Variants in IKBKE observed in about 807,000 individuals in gnomAD.
IKBKE encodes the protein inhibitor of nuclear factor kappa-B kinase subunit epsilon.
IKBKE carries 45 observed loss-of-function variants against 92.1 expected under a neutral mutation model. The observed-to-expected ratio is 0.49, with a 90% CI of 0.38 to 0.63. IKBKE has a LOEUF of 0.63. Among genes scored for constraint, IKBKE ranks in the 20% least tolerant of loss-of-function variants. The pLI is 0.00. For missense variants in IKBKE, 700 were observed against 932.8 expected (o/e 0.75, Z 3.25); for synonymous variants, 374 against 380.3 (o/e 0.98, Z 0.19).
rs1553385473 is a variant in IKBKE, at chr1:206,476,777, G to A, written c.640G>A (p.Ala214Thr). ...GAGCATTGGAGTGACCTTGTACCAT[G>A]CAGCCACTGGCAGCCTGCCCTTCAT... ...LWSIGVTLYH[A>T]ATGSLPFIPF... Residue 214 changes from alanine (A) to threonine (T), a missense_variant, in exon 7 of 22, where the codon GCA becomes ACA. By Grantham distance (58) the Ala-to-Thr change is moderately conservative. Coordinates refer to ENST00000581977, the MANE Select transcript of IKBKE (RefSeq NM_014002.4). The surrounding 1 kb of genome is among the most constrained non-coding windows in gnomAD (Gnocchi z 5.1). 3.1e-6 allele frequency: 5 copies of A among 1,614,242 alleles called. No individual in the cohort carries two copies. In the South Asian group the frequency reaches 5.5e-5, roughly 18 times the overall value.
At chr1:206,474,794 G>T (rs782704507) in intron 4 of IKBKE, 71 bp from the exon 5 acceptor site, 1 of 1,571,584 alleles carries the variant, frequency 6.4e-7, no homozygotes, top group South Asian at 1.2e-5. Flanking sequence ...GCTCCAGGCT[G>T]AGCCACTTCT....
At position 206,473,191 on chromosome 1, in the gene IKBKE, T is replaced by C; in HGVS notation, c.-32-5T>C. 1 of 1,551,034 alleles carries C rather than the reference T, an allele frequency of 6.4e-7. No homozygotes were observed. The highest frequency in any genetic ancestry group is 8.8e-7 in the Non-Finnish European group (1 of 1,130,466). On this transcript the variant is annotated splice_polypyrimidine_tract_variant and splice_region_variant and intron_variant, in intron 2 of 21. Transcript: ENST00000581977. The stretch of plus-strand genomic sequence containing the variant: ...TCCTGGGCCCCCAGCATGCTCTTTC[T>C]CTAGGCAGAAGGTGACCAGCCAGCT...
In IKBKE at chr1:206,479,105, C is replaced by T; in HGVS notation, c.1155C>T (p.Ala385=). ...ASSPLTLFST[A]IPKGLAFRDP... ...GCCCCCTGACCCTCTTCAGCACAGCCATCCCTAAGGGGCTGGCCTTCAGGG... is the reference window on the plus strand; with the variant it reads ...GCCCCCTGACCCTCTTCAGCACAGCTATCCCTAAGGGGCTGGCCTTCAGGG... Residue 385 remains alanine (A), a synonymous_variant, in exon 10 of 22, where the codon GCC becomes GCT. Coordinates refer to ENST00000581977, the MANE Select transcript of IKBKE (RefSeq NM_014002.4). 6.2e-7 allele frequency: 1 copy of T among 1,611,190 alleles called. No homozygotes were observed. The highest frequency in any genetic ancestry group is 8.5e-7 in the Non-Finnish European group (1 of 1,178,906).
intron 5 of IKBKE, chr1:206,475,284 C>A (rs1664996617): frequency 4.2e-6 from 2 of 474,192 alleles, no homozygotes; most frequent in Non-Finnish European, 7.4e-6. Flanking sequence ...ATGGATGGAC[C>A]TTGATGACAT....
In IKBKE at chr1:206,479,892, C is replaced by T. The variant is rs191441093; in HGVS notation, c.1206C>T (p.Phe402=). The change falls in exon 11 of 22, where the codon TTC becomes TTT. Residue 402 remains phenylalanine (F), a synonymous_variant. Transcript: ENST00000581977. ...FRDPALDVPK[F]VPKVDLQADY... is the part of the protein sequence containing the mutation. ...CAGCTGCTCTGGACGTCCCCAAGTT[C>T]GTCCCCAAAGTGGACCTGCAGGCGG... The T allele has an allele frequency of 3.6e-5, 58 of 1,613,906 alleles. No individual in the cohort carries two copies. In the East Asian group the frequency reaches 5.6e-4, roughly 16 times the overall value.
At position 206,496,697 on chromosome 1, in the gene IKBKE, C is replaced by G. The variant is rs1666258134; in HGVS notation, c.*552C>G. 5 of 233,528 alleles carry G rather than the reference C, an allele frequency of 2.1e-5. No homozygotes were observed. The highest frequency in any genetic ancestry group is 4.2e-5 in the Non-Finnish European group (5 of 118,292). 14.5% of individuals were successfully genotyped at this position (233,528 alleles called of 1,614,324 possible). Reference sequence around the variant, plus strand: ...TAGAGAGCCTCCTGTTCTTTCTATGCTTGGTCTGACTGAGCCTAAAGTTGA... The same window carrying G: ...TAGAGAGCCTCCTGTTCTTTCTATGGTTGGTCTGACTGAGCCTAAAGTTGA... On this transcript the variant is annotated 3_prime_UTR_variant, in exon 22 of 22. Transcript: ENST00000581977.
At chr1:206,486,703 C>G (rs568512913) in intron 15 of IKBKE, among the ~76,000 whole-genome samples, 1 of 151,408 alleles carries the variant, frequency 6.6e-6, no homozygotes, top group East Asian at 1.9e-4. Flanking sequence ...GAGCCCTGTC[C>G]TTTTGGATGA....
At position 206,474,442 on chromosome 1, in the gene IKBKE, A is replaced by T; in HGVS notation, c.199A>T (p.Ile67Phe). The T allele has an allele frequency of 1.2e-6, 2 of 1,614,144 alleles. No homozygotes were observed. Among genetic ancestry groups the T allele is most frequent in the Non-Finnish European group, 1.7e-6 (2 of 1,180,002 alleles). ...EVLRKLNHQN[I>F]VKLFAVEETG... Reference sequence around the variant, plus strand: ...CCTGCGGAAGCTGAACCACCAGAACATTGTCAAGCTCTTTGCGGTGGAGGA... The same window carrying T: ...CCTGCGGAAGCTGAACCACCAGAACTTTGTCAAGCTCTTTGCGGTGGAGGA... Residue 67 changes from isoleucine (I) to phenylalanine (F), a missense_variant, in exon 4 of 22, where the codon ATT becomes TTT. By Grantham distance (21) the Ile-to-Phe change is conservative. Transcript: ENST00000581977.
chr1:206,471,963 T>G lies in IKBKE; in HGVS notation c.-33+718T>G, dbSNP rs181698146. ...CTAGCGTTATTTAAAAGTATTTAAG[T>G]GGCCAGGCATGGTGGCTCACACCTG... On this transcript the variant is annotated intron_variant, in intron 2 of 21. Transcript: ENST00000581977. Among the ~76,000 whole-genome samples the G allele has an allele frequency of 2.6e-4, 40 of 152,340 alleles. 2 individuals are homozygous for G. The East Asian group carries it at 5.0e-3, about 19-fold the overall frequency.
intron 13 of IKBKE, 23 bp from the exon 14 acceptor site, chr1:206,484,974 C>T (rs202229736): frequency 6.0e-5 from 97 of 1,603,656 alleles, no homozygotes; most frequent in Non-Finnish European, 8.3e-5. Context: ...CCAAATGTGG[C>T]CTTTCTCTTT....
At chr1:206,488,982 C>T (rs1474898430) in intron 16 of IKBKE, among the ~76,000 whole-genome samples, 1 of 151,952 alleles carries the variant, frequency 6.6e-6, no homozygotes, top group African/African-American at 2.4e-5. Context: ...CAAAATCCCA[C>T]GTGTATATAT....
At position 206,481,848 on chromosome 1, in the gene IKBKE, C is replaced by T. The variant is rs530823970; in HGVS notation, c.1427+1315C>T. Among the ~76,000 whole-genome samples the T allele has an allele frequency of 7.9e-5, 11 of 139,666 alleles. No homozygotes were observed. The East Asian group carries it at 2.1e-3, about 27-fold the overall frequency. The allele number at this position is 139,666 out of a possible 152,430, so 91.6% of individuals were successfully genotyped here. A position where few individuals can be genotyped will look rare whatever the true frequency, so the allele number is the denominator to read the frequency against. On this transcript the variant is annotated intron_variant, in intron 13 of 21. Transcript: ENST00000581977. ...AGGCTGGAGTGCAGTGGCGCGATCT[C>T]GGCTCACTGCAAGCTCCGCCTCCCG...
intron 21 of IKBKE, among the ~76,000 whole-genome samples, chr1:206,495,781 T>C (rs1451651122): frequency 1.3e-5 from 2 of 152,228 alleles, no homozygotes; most frequent in African/African-American, 4.8e-5. Flanking sequence ...AAGAGCCAAA[T>C]GAATCCATTT....
rs369368118 is a variant in IKBKE at position 206,493,880 on chromosome 1, T to C, written c.2046-40T>C. 3.3e-4 allele frequency: 532 copies of C among 1,591,428 alleles called. 12 individuals carry two copies. In the South Asian group the frequency reaches 5.5e-3, roughly 17 times the overall value. ...AGGAAAAGGGTCTGGGCAGGGCAAC[T>C]TCCAGCCTCAGCCGCCTCTCCTGCC... On this transcript the variant is annotated intron_variant, in intron 20 of 21. Transcript: ENST00000581977.
At chr1:206,474,540 C>T in intron 4 of IKBKE, 69 bp downstream of exon 4, 1 of 1,437,554 alleles carries the variant, frequency 7.0e-7, no homozygotes, top group Non-Finnish European at 9.5e-7. Context: ...AATCAGGCCA[C>T]ATGATAACAG....
In IKBKE at chr1:206,476,111, C is replaced by T; in HGVS notation, c.359-70C>T. The T allele has an allele frequency of 6.7e-7, 1 of 1,491,782 alleles. No homozygotes were observed. Among genetic ancestry groups the T allele is most frequent in the Non-Finnish European group, 9.3e-7 (1 of 1,080,180 alleles). The allele number at this position is 1,491,782 out of a possible 1,614,324, so 92.4% of individuals were successfully genotyped here. On this transcript the variant is annotated intron_variant, in intron 5 of 21. Transcript: ENST00000581977. The surrounding 1 kb of genome is among the most constrained non-coding windows in gnomAD (Gnocchi z 5.1). Reference sequence around the variant, plus strand: ...TCTGGATGCAAGGACAGCCTTCCCACCAAGATGAGCCTCAGACACTAGACT... The same window carrying T: ...TCTGGATGCAAGGACAGCCTTCCCATCAAGATGAGCCTCAGACACTAGACT...
chr1:206,486,976 CT>C (rs1665701604), intron 15 of IKBKE, among the ~76,000 whole-genome samples: 1 of 152,128 alleles, frequency 6.6e-6, no homozygotes, highest in African/African-American at 2.4e-5. Flanking sequence ...GAGCCCTGTC[CT>C]TTTGGATGAA....
At chr1:206,477,063 C>T (rs533192736) in intron 7 of IKBKE, among the ~76,000 whole-genome samples, 7 of 152,310 alleles carry the variant, frequency 4.6e-5, no homozygotes, top group Non-Finnish European at 7.4e-5. Context: ...TATGTTAGTT[C>T]GGTGCTTCAC....
chr1:206,474,817 G>C, intron 4 of IKBKE, 48 bp from the exon 5 acceptor site: 1 of 1,598,440 alleles, frequency 6.3e-7, no homozygotes, highest in South Asian at 1.1e-5. Context: ...CTGGTGGGTG[G>C]GGAGGAGAAG....
Sources: allele counts gnomAD v4.1 joint callset (sites outside exome capture counted in the v4.1 genomes callset), GRCh38; gene constraint gnomAD v4.1.1; non-coding constraint Gnocchi (gnomAD v3.1); transcripts MANE v1.5; gene names NCBI Gene and HGNC (gene_info 2026-07-23, HGNC 2026-07-21).